VPS54: variants seen among roughly 807,000 people sequenced by gnomAD.
VPS54 encodes vacuolar protein sorting-associated protein 54.
A neutral mutation model predicts 121.5 loss-of-function variants in VPS54; 45 were observed. That is an observed-to-expected ratio of 0.37 (90% CI 0.29 to 0.47). The LOEUF (loss-of-function observed/expected upper bound fraction) is 0.47. VPS54 is among the 20% of genes least tolerant of loss of function. The probability of loss-of-function intolerance (pLI) is 0.99; values close to 1 mark genes in which losing one functional copy is unlikely to be tolerated. For missense variants in VPS54, 1,090 were observed against 1,131.4 expected (o/e 0.96, Z 0.52); for synonymous variants, 371 against 385.8 (o/e 0.96, Z 0.45).
At chr2:63,983,199 G>A (rs923194510) in intron 2 of VPS54, among the ~76,000 whole-genome samples, 1 of 149,648 alleles carries the variant, frequency 6.7e-6, no homozygotes, top group African/African-American at 2.5e-5. Context: ...CACCCAGGCT[G>A]GAGTGCACTG....
At chr2:63,931,875 C>G (rs927246773) in intron 12 of VPS54, among the ~76,000 whole-genome samples, 4 of 152,160 alleles carry the variant, frequency 2.6e-5, no homozygotes, top group Admixed American at 2.6e-4. Flanking sequence ...CAAAAGAGGA[C>G]ATTTATGTGG....
At chr2:63,974,410 T>TA (rs1676423525) in intron 3 of VPS54, among the ~76,000 whole-genome samples, 1 of 152,208 alleles carries the variant, frequency 6.6e-6, no homozygotes, top group African/African-American at 2.4e-5. Context: ...CCTCTTTTAA[T>TA]ACTGTGTTAG....
intron 1 of VPS54, among the ~76,000 whole-genome samples, chr2:64,018,595 G>C (rs1678821681): frequency 6.6e-6 from 1 of 152,024 alleles, no homozygotes; most frequent in South Asian, 2.1e-4. Context: ...AAAAAGAAAA[G>C]GAAAGTTTGG....
intron 1 of VPS54, among the ~76,000 whole-genome samples, chr2:63,989,063 G>C (rs1677191867): frequency 6.6e-6 from 1 of 152,122 alleles, no homozygotes; most frequent in Non-Finnish European, 1.5e-5. Context: ...GTTGTAGATA[G>C]GGATGAAACA....
intron 11 of VPS54, among the ~76,000 whole-genome samples, chr2:63,940,140 T>A (rs750735572): frequency 6.6e-6 from 1 of 152,170 alleles, no homozygotes; most frequent in Non-Finnish European, 1.5e-5. Flanking sequence ...TAATATTCCA[T>A]GGTAAAGAAT....
chr2:63,972,912 T>C (rs894461098), intron 3 of VPS54, among the ~76,000 whole-genome samples: 4 of 151,418 alleles, frequency 2.6e-5, no homozygotes, highest in Non-Finnish European at 5.9e-5. Flanking sequence ...AAGATAGAAA[T>C]TAGTTATTGA....
chr2:64,008,812 T>C (rs150856189), intron 1 of VPS54, among the ~76,000 whole-genome samples: 51 of 152,248 alleles, frequency 3.3e-4, no homozygotes, highest in Middle Eastern at 3.4e-3. Flanking sequence ...ACAAGAAGAA[T>C]TGCATCATCA....
At chr2:63,929,075 C>T (rs1042452376) in intron 12 of VPS54, among the ~76,000 whole-genome samples, 5 of 152,062 alleles carry the variant, frequency 3.3e-5, no homozygotes, top group East Asian at 1.9e-4. Flanking sequence ...TAATGGGAGA[C>T]GTTAATACCC....
intron 6 of VPS54, among the ~76,000 whole-genome samples, chr2:63,964,252 T>TA (rs1176858931): frequency 2.0e-5 from 3 of 152,050 alleles, no homozygotes; most frequent in South Asian, 2.1e-4. Context: ...AATTTACAAA[T>TA]AAAAAAAATT....
intron 4 of VPS54, 78 bp downstream of exon 4, chr2:63,972,088 A>G: frequency 1.1e-6 from 1 of 881,046 alleles, no homozygotes; most frequent in South Asian, 3.4e-5. Flanking sequence ...ATAACAGGCA[A>G]TAAGGTCCCA....
chr2:63,998,614 T>C (rs924440770), intron 1 of VPS54, among the ~76,000 whole-genome samples: 3 of 152,202 alleles, frequency 2.0e-5, no homozygotes, highest in Admixed American at 6.5e-5. Context: ...AAATACTATC[T>C]TATAACCCAC....
chr2:63,947,099 A>G (rs1267314279), intron 9 of VPS54, among the ~76,000 whole-genome samples: 1 of 151,970 alleles, frequency 6.6e-6, no homozygotes, highest in Non-Finnish European at 1.5e-5. Flanking sequence ...GAAAGCTTTT[A>G]TAATAATATG....
chr2:63,912,349 G>C lies in VPS54; in HGVS notation c.2621C>G (p.Ser874Cys), dbSNP rs768109899. 3 of 1,606,632 alleles carry C rather than the reference G, an allele frequency of 1.9e-6. No homozygotes were observed. In the South Asian group the frequency reaches 3.3e-5, roughly 18 times the overall value. ...IMDSLFDKLLSKYEVKAPVPS... is the reference protein window; with the variant it reads ...IMDSLFDKLLCKYEVKAPVPS... ...ATAATTTCTATAAATCATTACCTTA[G>C]ATAACAGCTTGTCAAATAAGCTATC... The change falls in exon 20 of 23, where the codon TCT (serine) becomes TGT (cysteine). Residue 874 changes from serine to cysteine, a missense_variant. Ser to Cys is a moderately radical substitution (Grantham distance 112). Around this residue, in one of 2 missense-constraint regions of VPS54, gnomAD observed 289 missense variants for 374.4 expected, o/e 0.77. Coordinates refer to ENST00000272322, the MANE Select transcript of VPS54 (RefSeq NM_016516.3).
chr2:64,010,122 G>A (rs545918039), intron 1 of VPS54, among the ~76,000 whole-genome samples: 2 of 152,204 alleles, frequency 1.3e-5, no homozygotes, highest in Admixed American at 6.5e-5. Context: ...CATTACAGGC[G>A]TGAGCCACCG....
chr2:63,950,409 G>A (rs1376794919), intron 7 of VPS54, among the ~76,000 whole-genome samples: 5 of 152,100 alleles, frequency 3.3e-5, no homozygotes, highest in Non-Finnish European at 7.4e-5. Flanking sequence ...TTTGGGGCAA[G>A]GAGATCATTT....
chr2:63,993,576 G>C (rs191038686), intron 1 of VPS54, among the ~76,000 whole-genome samples: 27 of 152,234 alleles, frequency 1.8e-4, no homozygotes, highest in African/African-American at 6.5e-4. Flanking sequence ...GGACAGACTC[G>C]GTGTAGAATA....
intron 12 of VPS54, among the ~76,000 whole-genome samples, chr2:63,922,418 G>A (rs1487608308): frequency 2.0e-5 from 3 of 151,994 alleles, no homozygotes; most frequent in Non-Finnish European, 4.4e-5. Context: ...AATTGGTTAT[G>A]GTATTAAAGA....
chr2:63,985,687 AC>A (rs1677019055), intron 1 of VPS54, among the ~76,000 whole-genome samples: 1 of 59,476 alleles, frequency 1.7e-5, no homozygotes, highest in African/African-American at 5.7e-5. Context: ...TTATACACAC[AC>A]ACACACACAC....
chr2:63,965,685 A>G (rs1675960445), intron 6 of VPS54, 150 bp downstream of exon 6: 1 of 1,091,704 alleles, frequency 9.2e-7, no homozygotes, highest in Non-Finnish European at 1.3e-6. Context: ...CTGTTAGTTT[A>G]TCAGTTAAGA....
Sources: gnomAD v4.1 joint callset for allele counts (sites outside exome capture counted in the v4.1 genomes callset) on GRCh38, gnomAD v4.1.1 for gene constraint, gnomAD v4.1.1 regional missense constraint, MANE v1.5 for transcripts, NCBI Gene and HGNC (gene_info 2026-07-23, HGNC 2026-07-21) for gene names.